Variants in COL8A1 observed in about 807,000 individuals in gnomAD.
COL8A1 encodes the protein collagen type VIII alpha 1 chain.
COL8A1 carries 21 observed loss-of-function variants against 42.7 expected under a neutral mutation model. The ratio of observed to expected loss-of-function variants is 0.49; its 90% CI spans 0.35 to 0.71. COL8A1 has a LOEUF of 0.71. COL8A1 is among the 30% of genes least tolerant of loss of function. The pLI is 0.01. For synonymous variants in COL8A1, 367 were observed against 369.1 expected, an observed-to-expected ratio of 0.99 and a Z score of 0.06; for missense variants, 788 against 962.4, an observed-to-expected ratio of 0.82 and a Z score of 2.40.
At chr3:99,774,973 T>A (rs915451434) in intron 2 of COL8A1, among the ~76,000 whole-genome samples, 1 of 152,176 alleles carries the variant, frequency 6.6e-6, no homozygotes, top group Non-Finnish European at 1.5e-5. Flanking sequence ...GCAATGTTTA[T>A]TAGGGAAAAT....
chr3:99,774,131 C>T (rs1321474627), intron 2 of COL8A1, among the ~76,000 whole-genome samples: 1 of 151,246 alleles, frequency 6.6e-6, no homozygotes, highest in Admixed American at 6.6e-5. Context: ...AGGCTTGAGC[C>T]ACCACGCCCA....
chr3:99,657,111 T>G (rs994005674), intron 1 of COL8A1, among the ~76,000 whole-genome samples: 1 of 152,214 alleles, frequency 6.6e-6, no homozygotes, highest in Non-Finnish European at 1.5e-5. Flanking sequence ...CCTAAAAAAC[T>G]GACTTCATCC....
chr3:99,794,181 A>ATC lies in COL8A1; in HGVS notation c.329-38_329-37dup, dbSNP rs756867922. ...GATGTGAGAGACAATCTACTAATCA[A>ATC]TCTCTCTCTCTCCCCCCATACCCCT... On this transcript the variant is annotated intron_variant, in intron 3 of 3. Coordinates refer to ENST00000652472, the MANE Select transcript of COL8A1 (RefSeq NM_020351.4). This position sits in a 1 kb window ranked among gnomAD's most constrained non-coding sequence, Gnocchi z 4.3. 65 of 1,183,528 alleles carry ATC rather than the reference A, an allele frequency of 5.5e-5. No individual in the cohort carries two copies. Among genetic ancestry groups the ATC allele is most frequent in the Non-Finnish European group, 7.1e-5 (60 of 840,414 alleles). The allele number at this position is 1,183,528 out of a possible 1,614,324, so 73.3% of individuals were successfully genotyped here.
intron 2 of COL8A1, among the ~76,000 whole-genome samples, chr3:99,787,370 C>G (rs1464219376): frequency 6.6e-6 from 1 of 152,060 alleles, no homozygotes; most frequent in African/African-American, 2.4e-5. Flanking sequence ...TTCAGCTGTT[C>G]TTTTTCTAAA....
intron 2 of COL8A1, among the ~76,000 whole-genome samples, chr3:99,775,223 G>A (rs926760229): frequency 6.6e-6 from 1 of 152,102 alleles, no homozygotes; most frequent in Admixed American, 6.6e-5. Context: ...GTCTCTCCTG[G>A]CCACTCATCA....
intron 2 of COL8A1, among the ~76,000 whole-genome samples, chr3:99,768,530 G>C (rs556628184): frequency 6.6e-6 from 1 of 152,336 alleles, no homozygotes; most frequent in East Asian, 1.9e-4. Context: ...GACCATGAGG[G>C]TCAGAGACAG....
At chr3:99,749,315 G>T (rs1266144107) in intron 2 of COL8A1, among the ~76,000 whole-genome samples, 1 of 152,128 alleles carries the variant, frequency 6.6e-6, no homozygotes, top group Admixed American at 6.5e-5. Context: ...AGAGGGAACA[G>T]AACCAAAGGT....
intron 1 of COL8A1, among the ~76,000 whole-genome samples, chr3:99,722,407 T>C (rs1424803731): frequency 1.3e-5 from 2 of 152,126 alleles, no homozygotes; most frequent in African/African-American, 4.8e-5. Context: ...GCTGTAAACT[T>C]ACACCCTTTG....
chr3:99,772,653 C>T (rs1038295), intron 2 of COL8A1, among the ~76,000 whole-genome samples: 15 of 151,916 alleles, frequency 9.9e-5, no homozygotes, highest in East Asian at 3.9e-4. Context: ...AAGTGATACA[C>T]GGCAGAATGA....
chr3:99,701,849 A>G (rs1374331476), intron 1 of COL8A1, among the ~76,000 whole-genome samples: 2 of 152,194 alleles, frequency 1.3e-5, no homozygotes, highest in Non-Finnish European at 2.9e-5. Context: ...CTCTTTTCAC[A>G]TAGTTATAAT....
chr3:99,723,963 TAC>T (rs1296496076), intron 1 of COL8A1, among the ~76,000 whole-genome samples: 3 of 152,142 alleles, frequency 2.0e-5, no homozygotes, highest in Non-Finnish European at 2.9e-5. Context: ...TCTCTGCTTA[TAC>T]AGCTGTGTGT....
chr3:99,735,332 C>A (rs1235014340), intron 1 of COL8A1, among the ~76,000 whole-genome samples: 1 of 54,090 alleles, frequency 1.8e-5, no homozygotes, highest in Non-Finnish European at 3.4e-5. Flanking sequence ...CCCATCAATA[C>A]CTAATTTATT....
intron 1 of COL8A1, among the ~76,000 whole-genome samples, chr3:99,653,105 A>G (rs1170757471): frequency 1.3e-5 from 2 of 152,236 alleles, no homozygotes; most frequent in African/African-American, 4.8e-5. Context: ...AACATGTAAG[A>G]AAGTGTCTGC....
intron 2 of COL8A1, among the ~76,000 whole-genome samples, chr3:99,773,847 T>A (rs1240751829): frequency 3.9e-5 from 4 of 103,714 alleles, no homozygotes; most frequent in Non-Finnish European, 6.0e-5. Context: ...ATTTTTTTTT[T>A]TTTTTTTTTT....
chr3:99,655,534 C>T (rs892174793), intron 1 of COL8A1, among the ~76,000 whole-genome samples: 2 of 152,178 alleles, frequency 1.3e-5, no homozygotes, highest in African/African-American at 4.8e-5. Context: ...AGTAAACGCT[C>T]ATTGGGTAAA....
chr3:99,738,602 A>T (rs371078687), intron 1 of COL8A1, among the ~76,000 whole-genome samples: 4 of 152,316 alleles, frequency 2.6e-5, no homozygotes, highest in African/African-American at 9.6e-5. Context: ...CAGCTGCGTG[A>T]TGGGAGAACC....
At chr3:99,696,058 C>T (rs1315833605) in intron 1 of COL8A1, among the ~76,000 whole-genome samples, 3 of 152,152 alleles carry the variant, frequency 2.0e-5, no homozygotes, top group Admixed American at 6.5e-5. Flanking sequence ...TGCTTGAAGC[C>T]GGGAGGCAGA....
Position 99,796,969 on chromosome 3 carries a change from T to C in COL8A1, c.*833T>C, listed in dbSNP as rs1477009300. On this transcript the variant is annotated 3_prime_UTR_variant, in exon 4 of 4. Coordinates refer to ENST00000652472, the MANE Select transcript of COL8A1 (RefSeq NM_020351.4). ...TTTGATTTTCTTTTTCTGTGACTTATTTTCCTATTTTCTTTCCTCCATGTA... is the reference window on the plus strand; with the variant it reads ...TTTGATTTTCTTTTTCTGTGACTTACTTTCCTATTTTCTTTCCTCCATGTA... 6.6e-6 allele frequency: 1 copy of C among 152,184 alleles called. No homozygotes were observed. Among genetic ancestry groups the C allele is most frequent in the African/African-American group, 2.4e-5 (1 of 41,444 alleles). 9.4% of individuals were successfully genotyped at this position (152,184 alleles called of 1,614,324 possible).
chr3:99,740,270 C>T (rs1297879450), intron 1 of COL8A1, among the ~76,000 whole-genome samples: 2 of 152,188 alleles, frequency 1.3e-5, no homozygotes, highest in Non-Finnish European at 2.9e-5. Flanking sequence ...GCCTGTTTCC[C>T]AGTTCCAAAG....
Sources: gnomAD v4.1 joint callset for allele counts (sites outside exome capture counted in the v4.1 genomes callset) on GRCh38, gnomAD v4.1.1 for gene constraint, Gnocchi (gnomAD v3.1) non-coding constraint, MANE v1.5 for transcripts, NCBI Gene and HGNC (gene_info 2026-07-23, HGNC 2026-07-21) for gene names.